Variants in CACNG5 observed in about 807,000 individuals in gnomAD.
The protein encoded by CACNG5 is voltage-dependent calcium channel gamma-5 subunit.
CACNG5 carries 18 observed loss-of-function variants against 24.8 expected under a neutral mutation model. That is an observed-to-expected ratio of 0.73 (90% CI 0.50 to 1.08). The LOEUF (loss-of-function observed/expected upper bound fraction) is 1.08. Ranked by LOEUF, CACNG5 falls within the 50% of genes least tolerant of loss-of-function variation. The probability of loss-of-function intolerance (pLI) is 0.00; values close to 1 mark genes in which losing one functional copy is unlikely to be tolerated. For missense variants in CACNG5, 349 were observed against 367.9 expected (o/e 0.95, Z 0.42); for synonymous variants, 157 against 149.1 (o/e 1.05, Z -0.39).
At position 66,854,648 on chromosome 17, in the gene CACNG5, C is replaced by T. The variant is rs373968527; in HGVS notation, c.-104+19398C>T. Among the ~76,000 whole-genome samples the T allele has an allele frequency of 6.6e-5, 10 of 151,956 alleles. No individual in the cohort carries two copies. The East Asian group carries it at 7.7e-4, about 12-fold the overall frequency. On this transcript the variant is annotated intron_variant, in intron 1 of 5. Transcript: ENST00000533854. ...GGCAGAGGTTGCAGTGAGCCAAGATCGCGCCACTGCACTCCAGCCTGGGAA... is the reference window on the plus strand; with the variant it reads ...GGCAGAGGTTGCAGTGAGCCAAGATTGCGCCACTGCACTCCAGCCTGGGAA...
intron 4 of CACNG5, among the ~76,000 whole-genome samples, chr17:66,883,293 G>A (rs1466094308): frequency 6.6e-6 from 1 of 152,136 alleles, no homozygotes; most frequent in Non-Finnish European, 1.5e-5. Context: ...TCAGCAGTGG[G>A]CTACCAGATC....
Position 66,877,362 on chromosome 17 carries a change from C to T in CACNG5, c.30C>T (p.Thr10=). The T allele has an allele frequency of 6.2e-7, 1 of 1,614,080 alleles. No individual in the cohort carries two copies. Residue 10 remains threonine (T), a synonymous_variant, in exon 2 of 6, where the codon ACC becomes ACT. Coordinates refer to ENST00000533854, the MANE Select transcript of CACNG5 (RefSeq NM_145811.3). MSACGRKAL[T]LLSSVFAVCG... is the part of the protein sequence containing the mutation. ...GTGCCTGCGGGAGGAAGGCCCTGAC[C>T]CTGCTGAGCAGTGTCTTTGCTGTCT...
At chr17:66,845,746 T>A (rs2041329) in intron 1 of CACNG5, among the ~76,000 whole-genome samples, 129,173 of 152,142 alleles carry the variant, frequency 0.85, 55,018 homozygotes, top group East Asian at 0.97. Flanking sequence ...ATCAATGCCC[T>A]GTGTCTCCTT....
chr17:66,873,962 C>G (rs1490301218), intron 1 of CACNG5, among the ~76,000 whole-genome samples: 1 of 148,910 alleles, frequency 6.7e-6, no homozygotes, highest in Non-Finnish European at 1.5e-5. Flanking sequence ...TCCTTTTAAC[C>G]AGAGTCACTT....
chr17:66,884,466 C>G, intron 4 of CACNG5, 50 bp from the exon 5 acceptor site: 2 of 1,546,342 alleles, frequency 1.3e-6, no homozygotes, highest in South Asian at 2.5e-5. Flanking sequence ...CCTCAGCAAA[C>G]TTCCTGGGCC....
Position 66,884,522 on chromosome 17 carries a change from C to G in CACNG5, c.431C>G (p.Ser144Cys), listed in dbSNP as rs760566680. The change falls in exon 5 of 6, where the codon TCT (serine) becomes TGT (cysteine). Residue 144 changes from serine to cysteine, a missense_variant. By Grantham distance (112) the Ser-to-Cys change is moderately radical. Coordinates refer to ENST00000533854, the MANE Select transcript of CACNG5 (RefSeq NM_145811.3). ...TCCCCTGCTGCCCAACCAGGCCTCT[C>G]TCTCGTGGTGGGCCTGGTGCTCTAC... ...SGIFFILSGL[S>C]LVVGLVLYIS... 2.5e-6 allele frequency: 4 copies of G among 1,609,074 alleles called. No individual in the cohort carries two copies. The highest frequency in any genetic ancestry group is 3.4e-6 in the Non-Finnish European group (4 of 1,176,936).
rs184198520 is a variant in CACNG5 at position 66,870,869 on chromosome 17, A to G, written c.-103-6361A>G. ...GTGTTGGGCACCTGCAATCCCAGCTACTTGGGAGGCTGAGGCAGGAGAATT... is the reference window on the plus strand; with the variant it reads ...GTGTTGGGCACCTGCAATCCCAGCTGCTTGGGAGGCTGAGGCAGGAGAATT... On this transcript the variant is annotated intron_variant, in intron 1 of 5. Transcript: ENST00000533854. 1.0e-3 allele frequency among the ~76,000 whole-genome samples: 157 copies of G among 152,224 alleles called. 2 individuals are homozygous for G. Among genetic ancestry groups the G allele is most frequent in the African/African-American group, 3.7e-3 (155 of 41,552 alleles).
In CACNG5 at chr17:66,886,092, C is replaced by T. The variant is rs79757176; in HGVS notation, c.*852C>T. Among the ~76,000 whole-genome samples, 39 of 152,330 alleles carry T rather than the reference C, an allele frequency of 2.6e-4. No individual in the cohort carries two copies. In the East Asian group the frequency reaches 6.2e-3, roughly 24 times the overall value. On this transcript the variant is annotated 3_prime_UTR_variant, in exon 6 of 6. Transcript: ENST00000533854. Reference sequence around the variant, plus strand: ...GCTGGTCTGAGTTCCTATTACCAGACACTGTTTCTGGTCCTGGGGATACTG... The same window carrying T: ...GCTGGTCTGAGTTCCTATTACCAGATACTGTTTCTGGTCCTGGGGATACTG...
At chr17:66,844,469 G>C (rs1976609948) in intron 1 of CACNG5, among the ~76,000 whole-genome samples, 1 of 152,184 alleles carries the variant, frequency 6.6e-6, no homozygotes, top group Admixed American at 6.5e-5. Context: ...AATTATAAAG[G>C]AGAAGACAGA....
chr17:66,879,355 T>A (rs1484585309), intron 3 of CACNG5, among the ~76,000 whole-genome samples: 1 of 152,182 alleles, frequency 6.6e-6, no homozygotes, highest in African/African-American at 2.4e-5. Flanking sequence ...GCCCCCAGTA[T>A]GAATTTGCAA....
chr17:66,869,849 C>T (rs753351431), intron 1 of CACNG5, among the ~76,000 whole-genome samples: 12 of 151,960 alleles, frequency 7.9e-5, no homozygotes, highest in African/African-American at 1.2e-4. Flanking sequence ...TTTGGGAGGC[C>T]GAGGTGGGTG....
Position 66,884,982 on chromosome 17 carries a change from G to A in CACNG5, c.571-1G>A. ...CATCCTCTGCTGTCTTCTCCCTGTA[G>A]AGTGCCGGGGTGATGTCTGTGTACC... On this transcript the variant is annotated splice_acceptor_variant, in intron 5 of 5. Coordinates refer to ENST00000533854, the MANE Select transcript of CACNG5 (RefSeq NM_145811.3). LOFTEE classifies it high-confidence loss of function. The A allele has an allele frequency of 2.5e-6, 4 of 1,614,080 alleles. No homozygotes were observed. The highest frequency in any genetic ancestry group is 3.4e-6 in the Non-Finnish European group (4 of 1,179,982).
chr17:66,867,341 T>C (rs1484310359), intron 1 of CACNG5, among the ~76,000 whole-genome samples: 1 of 152,202 alleles, frequency 6.6e-6, no homozygotes, highest in East Asian at 1.9e-4. Context: ...TGTAAATTTG[T>C]TTAAGTTCCT....
intron 3 of CACNG5, among the ~76,000 whole-genome samples, chr17:66,879,278 G>C (rs1463386328): frequency 6.6e-6 from 1 of 152,212 alleles, no homozygotes; most frequent in Non-Finnish European, 1.5e-5. Context: ...GCATCAATCA[G>C]GGAACTGAGC....
At position 66,887,190 on chromosome 17, in the gene CACNG5, G is replaced by A. The variant is rs1425704538; in HGVS notation, c.*1950G>A. Among the ~76,000 whole-genome samples, 2 of 152,088 alleles carry A rather than the reference G, an allele frequency of 1.3e-5. No homozygotes were observed. Among genetic ancestry groups the A allele is most frequent in the South Asian group, 2.1e-4 (1 of 4,822 alleles). On this transcript the variant is annotated 3_prime_UTR_variant, in exon 6 of 6. Coordinates refer to ENST00000533854, the MANE Select transcript of CACNG5 (RefSeq NM_145811.3). ...GTCTCACAGCAGGGTGGAGGAGAAGGGTAAGAGAAGCCAGTTCTGGTCCCA... is the reference window on the plus strand; with the variant it reads ...GTCTCACAGCAGGGTGGAGGAGAAGAGTAAGAGAAGCCAGTTCTGGTCCCA...
rs1977257671 is a variant in CACNG5 at position 66,886,190 on chromosome 17, T to C, written c.*950T>C. Among the ~76,000 whole-genome samples the C allele has an allele frequency of 6.6e-6, 1 of 152,152 alleles. No homozygotes were observed. The highest frequency in any genetic ancestry group is 2.4e-5 in the African/African-American group (1 of 41,428). Reference sequence around the variant, plus strand: ...CTTGTAGACATCTGTCTAAACCACCTAAGTGGAAGGTTGCCTTCGAAGAGG... The same window carrying C: ...CTTGTAGACATCTGTCTAAACCACCCAAGTGGAAGGTTGCCTTCGAAGAGG... On this transcript the variant is annotated 3_prime_UTR_variant, in exon 6 of 6. Coordinates refer to ENST00000533854, the MANE Select transcript of CACNG5 (RefSeq NM_145811.3).
At chr17:66,873,447 G>A (rs1252408717) in intron 1 of CACNG5, among the ~76,000 whole-genome samples, 1 of 152,100 alleles carries the variant, frequency 6.6e-6, no homozygotes, top group Non-Finnish European at 1.5e-5. Flanking sequence ...TCTCGCTTTT[G>A]TAGATTAAGA....
chr17:66,880,218 C>A (rs73994664), intron 3 of CACNG5, among the ~76,000 whole-genome samples: 2,443 of 152,322 alleles, frequency 0.016, 62 homozygotes, highest in African/African-American at 0.056. Context: ...AATGACCTGG[C>A]CCTTCCACAG....
chr17:66,884,890 C>G, intron 5 of CACNG5, 93 bp from the exon 6 acceptor site: 1 of 1,613,658 alleles, frequency 6.2e-7, no homozygotes, highest in Non-Finnish European at 8.5e-7. Flanking sequence ...CCACTTCCCA[C>G]CCCACTCGAG....
Sources: gnomAD v4.1 joint callset for allele counts (sites outside exome capture counted in the v4.1 genomes callset) on GRCh38, gnomAD v4.1.1 for gene constraint, MANE v1.5 for transcripts, NCBI Gene and HGNC (gene_info 2026-07-23, HGNC 2026-07-21) for gene names.